The following ZFAND3 variants were observed in gnomAD, a reference collection of about 807,000 sequenced individuals.
ZFAND3 encodes the protein AN1-type zinc finger protein 3.
Under a neutral mutation model 29.6 loss-of-function variants are expected in ZFAND3, and 10 were observed. The observed-to-expected ratio is 0.34, with a 90% CI of 0.21 to 0.57. The LOEUF (loss-of-function observed/expected upper bound fraction) is 0.57. Ranked by LOEUF, ZFAND3 falls within the 20% of genes least tolerant of loss-of-function variation. The pLI is 0.86. For missense variants in ZFAND3, 230 were observed against 304.5 expected, an observed-to-expected ratio of 0.76 and a Z score of 1.82; for synonymous variants, 128 against 112.6, an observed-to-expected ratio of 1.14 and a Z score of -0.87.
chr6:37,904,822 A>G (rs571228281), intron 1 of ZFAND3, among the ~76,000 whole-genome samples: 328 of 152,264 alleles, frequency 2.2e-3, no homozygotes, highest in African/African-American at 7.3e-3. Flanking sequence ...CTGGCACATA[A>G]TGTGGATGTC....
At chr6:38,073,535 A>G (rs1764497202) in intron 3 of ZFAND3, among the ~76,000 whole-genome samples, 1 of 152,204 alleles carries the variant, frequency 6.6e-6, no homozygotes, top group South Asian at 2.1e-4. Flanking sequence ...TTCGTATTAA[A>G]TATGCTTTGT....
chr6:38,118,715 A>G (rs1765467748), intron 5 of ZFAND3, among the ~76,000 whole-genome samples: 1 of 149,624 alleles, frequency 6.7e-6, no homozygotes, highest in African/African-American at 2.5e-5. Context: ...TTCAGCTTTG[A>G]CGCAGACTAC....
At chr6:37,953,339 ATTAC>A (rs1472353640) in intron 2 of ZFAND3, among the ~76,000 whole-genome samples, 1 of 150,026 alleles carries the variant, frequency 6.7e-6, no homozygotes, top group African/African-American at 2.5e-5. Flanking sequence ...GTGATATTCT[ATTAC>A]TTTATATGTG....
intron 1 of ZFAND3, among the ~76,000 whole-genome samples, chr6:37,920,118 A>G (rs560930176): frequency 8.2e-4 from 120 of 146,344 alleles, no homozygotes; most frequent in Non-Finnish European, 1.6e-3. Context: ...GTCTGCCTCA[A>G]AAGTAAGGAT....
intron 1 of ZFAND3, among the ~76,000 whole-genome samples, chr6:37,890,362 G>A (rs1765073541): frequency 6.6e-6 from 1 of 152,146 alleles, no homozygotes; most frequent in African/African-American, 2.4e-5. Context: ...GGACATTTGG[G>A]TCTCAATAGA....
intron 2 of ZFAND3, among the ~76,000 whole-genome samples, chr6:37,941,080 G>C (rs971155625): frequency 6.6e-6 from 1 of 152,156 alleles, no homozygotes; most frequent in African/African-American, 2.4e-5. Context: ...TTCTTACAAT[G>C]TTGGTGATTT....
At chr6:38,051,523 C>T (rs1561981390) in intron 2 of ZFAND3, among the ~76,000 whole-genome samples, 1 of 152,202 alleles carries the variant, frequency 6.6e-6, no homozygotes, top group Non-Finnish European at 1.5e-5. Flanking sequence ...ACACTAAGGA[C>T]TAATGGCTTG....
intron 1 of ZFAND3, among the ~76,000 whole-genome samples, chr6:37,837,749 G>T (rs1362381803): frequency 6.6e-6 from 1 of 151,782 alleles, no homozygotes; most frequent in African/African-American, 2.4e-5. Flanking sequence ...CAGTTGATCC[G>T]CCCACCTCAG....
intron 4 of ZFAND3, among the ~76,000 whole-genome samples, chr6:38,108,753 A>G (rs1159710444): frequency 1.3e-5 from 2 of 152,336 alleles, no homozygotes; most frequent in East Asian, 3.9e-4. Flanking sequence ...TTCCTCTGGC[A>G]GACACACCCA....
At chr6:38,092,648 A>C (rs912094314) in intron 4 of ZFAND3, among the ~76,000 whole-genome samples, 3 of 152,188 alleles carry the variant, frequency 2.0e-5, no homozygotes, top group Non-Finnish European at 2.9e-5. Context: ...GAAAACTTCA[A>C]ATGTGACTTG....
intron 4 of ZFAND3, among the ~76,000 whole-genome samples, chr6:38,112,656 C>T (rs933292086): frequency 1.3e-5 from 2 of 152,080 alleles, no homozygotes; most frequent in South Asian, 2.1e-4. Context: ...TTAATGTCAA[C>T]CATGTTTGGA....
chr6:38,143,925 A>T (rs1766014077), intron 5 of ZFAND3, among the ~76,000 whole-genome samples: 1 of 152,078 alleles, frequency 6.6e-6, no homozygotes, highest in South Asian at 2.1e-4. Context: ...CCCTGGCCTG[A>T]TGAAATAAAA....
intron 4 of ZFAND3, among the ~76,000 whole-genome samples, chr6:38,114,633 A>T (rs558031997): frequency 2.0e-5 from 3 of 152,120 alleles, no homozygotes; most frequent in African/African-American, 7.2e-5. Context: ...GGGCTGGGGG[A>T]CTATGAGCAA....
intron 1 of ZFAND3, among the ~76,000 whole-genome samples, chr6:37,883,260 C>T (rs1016029773): frequency 4.6e-5 from 7 of 152,074 alleles, no homozygotes; most frequent in Admixed American, 2.0e-4. Context: ...TCTTACAGTC[C>T]TAGTTAATAA....
chr6:37,901,332 T>C (rs1011971659), intron 1 of ZFAND3, among the ~76,000 whole-genome samples: 1 of 152,230 alleles, frequency 6.6e-6, no homozygotes, highest in Non-Finnish European at 1.5e-5. Context: ...CTTTTACTGT[T>C]ATTTTAAATC....
intron 2 of ZFAND3, among the ~76,000 whole-genome samples, chr6:37,987,965 G>A (rs1421275269): frequency 1.3e-5 from 2 of 152,170 alleles, no homozygotes; most frequent in Admixed American, 6.5e-5. Flanking sequence ...AGTTTCTCAG[G>A]CAAGTCCAGA....
chr6:37,964,292 C>T (rs901537009), intron 2 of ZFAND3, among the ~76,000 whole-genome samples: 2 of 152,204 alleles, frequency 1.3e-5, no homozygotes, highest in Admixed American at 6.5e-5. Context: ...TACCATGCTA[C>T]AGGACCAGAA....
Position 37,918,326 on chromosome 6 carries a change from C to T in ZFAND3, c.72-11633C>T, listed in dbSNP as rs1481273086. Among the ~76,000 whole-genome samples, 4 of 152,290 alleles carry T rather than the reference C, an allele frequency of 2.6e-5. No individual in the cohort carries two copies. In the Middle Eastern group the frequency reaches 0.01, roughly 388 times the overall value. On this transcript the variant is annotated intron_variant, in intron 1 of 5. Transcript: ENST00000287218. ...TCCTGACCTTGTGATCCACCTGCCT[C>T]AGCCTCCCAAAGTGCGAGGATTACA...
chr6:37,858,987 A>T (rs966734401), intron 1 of ZFAND3, among the ~76,000 whole-genome samples: 1 of 152,184 alleles, frequency 6.6e-6, no homozygotes, highest in Non-Finnish European at 1.5e-5. Context: ...TTATTATTTT[A>T]AAAAATCCTG....
Sources: allele counts gnomAD v4.1 joint callset (sites outside exome capture counted in the v4.1 genomes callset), GRCh38; gene constraint gnomAD v4.1.1; transcripts MANE v1.5; gene names NCBI Gene and HGNC (gene_info 2026-07-23, HGNC 2026-07-21).